MYH15: variants seen among roughly 807,000 people sequenced by gnomAD.
MYH15 encodes myosin heavy chain 15.
A neutral mutation model predicts 240.5 loss-of-function variants in MYH15; 227 were observed. The observed-to-expected ratio is 0.94, with a 90% confidence interval of 0.85 to 1.05. The LOEUF (loss-of-function observed/expected upper bound fraction) is 1.05. Among genes scored for constraint, MYH15 ranks in the 50% least tolerant of loss-of-function variants. MYH15 has a pLI of 0.00. For synonymous variants in MYH15, 785 were observed against 796.7 expected, an observed-to-expected ratio of 0.99 and a Z score of 0.25; for missense variants, 2,217 against 2,247.5, an observed-to-expected ratio of 0.99 and a Z score of 0.27.
At chr3:108,439,409 G>C (rs955555304) in intron 24 of MYH15, among the ~76,000 whole-genome samples, 1 of 152,084 alleles carries the variant, frequency 6.6e-6, no homozygotes, top group Admixed American at 6.5e-5. Flanking sequence ...ATATCTGTGG[G>C]GCAAAATACC....
intron 27 of MYH15, among the ~76,000 whole-genome samples, chr3:108,425,476 TA>T (rs2107557973): frequency 6.6e-6 from 1 of 152,300 alleles, no homozygotes; most frequent in South Asian, 2.1e-4. Flanking sequence ...GTAATCTACT[TA>T]AAAAGTAGAC....
At chr3:108,424,097 A>AGC (rs1273523370) in intron 27 of MYH15, among the ~76,000 whole-genome samples, 3 of 152,200 alleles carry the variant, frequency 2.0e-5, no homozygotes, top group Admixed American at 6.5e-5. Flanking sequence ...AGGGTGAAAA[A>AGC]GCACGGATCT....
intron 11 of MYH15, among the ~76,000 whole-genome samples, chr3:108,476,985 A>C (rs2083227306): frequency 6.6e-6 from 1 of 152,196 alleles, no homozygotes; most frequent in Non-Finnish European, 1.5e-5. Context: ...CACCCAAGAT[A>C]AATGAAAACA....
At chr3:108,503,792 T>A (rs2083455179) in intron 2 of MYH15, among the ~76,000 whole-genome samples, 1 of 152,114 alleles carries the variant, frequency 6.6e-6, no homozygotes, top group Non-Finnish European at 1.5e-5. Context: ...AGCAATACAC[T>A]CCTAGCTATA....
At chr3:108,464,108 A>G (rs1159381536) in intron 15 of MYH15, among the ~76,000 whole-genome samples, 1 of 152,144 alleles carries the variant, frequency 6.6e-6, no homozygotes, top group Non-Finnish European at 1.5e-5. Context: ...TCTTTTATCA[A>G]TTCTCTTTTT....
chr3:108,446,280 A>T (rs749406000), intron 21 of MYH15, among the ~76,000 whole-genome samples: 13 of 152,166 alleles, frequency 8.5e-5, no homozygotes, highest in Non-Finnish European at 1.2e-4. Context: ...TGTGGATCTA[A>T]GATCTAGTGT....
chr3:108,414,167 A>T, intron 30 of MYH15, 65 bp downstream of exon 30: 1 of 1,514,760 alleles, frequency 6.6e-7, no homozygotes. Flanking sequence ...TTGGAGACAG[A>T]GTCATTATTC....
chr3:108,520,540 C>A (rs1378076389), intron 1 of MYH15, among the ~76,000 whole-genome samples: 1 of 152,168 alleles, frequency 6.6e-6, no homozygotes, highest in African/African-American at 2.4e-5. Flanking sequence ...ACCCTTGGAT[C>A]TGGATTTGGC....
At chr3:108,451,161 C>T (rs959882975) in intron 21 of MYH15, among the ~76,000 whole-genome samples, 14 of 152,118 alleles carry the variant, frequency 9.2e-5, no homozygotes, top group African/African-American at 2.7e-4. Context: ...AGGCAGATCA[C>T]GTGAGGCCAA....
chr3:108,421,337 A>G, intron 27 of MYH15, 123 bp from the exon 28 acceptor site: 2 of 1,143,216 alleles, frequency 1.7e-6, no homozygotes, highest in South Asian at 3.0e-5. Flanking sequence ...TAAAGAGCTC[A>G]GCCAGCATTG....
the MYH15 span, among the ~76,000 whole-genome samples, chr3:108,537,795 T>C: frequency 6.6e-6 from 1 of 152,096 alleles, no homozygotes; most frequent in Non-Finnish European, 1.5e-5. Context: ...AGCAGATAAA[T>C]GGGAGACGGG....
rs1435312458 is a variant in MYH15 at position 108,500,117 on chromosome 3, C to T, written c.496+1G>A. The T allele has an allele frequency of 1.2e-6, 2 of 1,612,812 alleles. No homozygotes were observed. Among genetic ancestry groups the T allele is most frequent in the East Asian group, 2.2e-5 (1 of 44,870 alleles). On this transcript the variant is annotated splice_donor_variant, in intron 4 of 40. Transcript: ENST00000693548. LOFTEE classifies it high-confidence loss of function. ...TTTCATTTTGTAGGGCAGCTACTCA[C>T]TGTGAAGCATGTCCTGAAAGGCGTT...
intron 37 of MYH15, 74 bp from the exon 38 acceptor site, chr3:108,389,148 A>G: frequency 7.5e-7 from 1 of 1,330,604 alleles, no homozygotes; most frequent in Non-Finnish European, 1.1e-6. Context: ...TGGCACAATC[A>G]TTTGAAAGAC....
chr3:108,465,928 A>G (rs2083112862), intron 14 of MYH15, among the ~76,000 whole-genome samples: 1 of 142,328 alleles, frequency 7.0e-6, no homozygotes, highest in Non-Finnish European at 1.6e-5. Context: ...CTCTGTCTCA[A>G]AAAACAAAAA....
At chr3:108,490,164 G>A (rs2083335944) in intron 9 of MYH15, among the ~76,000 whole-genome samples, 1 of 152,186 alleles carries the variant, frequency 6.6e-6, no homozygotes, top group Non-Finnish European at 1.5e-5. Context: ...TCCTGTTCCA[G>A]GTTGAGGTGG....
chr3:108,442,119 T>G (rs2082889607), intron 22 of MYH15, among the ~76,000 whole-genome samples: 1 of 152,218 alleles, frequency 6.6e-6, no homozygotes, highest in South Asian at 2.1e-4. Flanking sequence ...TTTACATACA[T>G]TTTCACCTTC....
intron 9 of MYH15, among the ~76,000 whole-genome samples, chr3:108,492,109 G>A (rs2083352721): frequency 6.6e-6 from 1 of 151,542 alleles, no homozygotes; most frequent in South Asian, 2.1e-4. Context: ...AACTCCCATT[G>A]ACCACCACAC....
intron 30 of MYH15, 45 bp from the exon 31 acceptor site, chr3:108,410,977 C>G: frequency 6.8e-7 from 1 of 1,466,322 alleles, no homozygotes; most frequent in South Asian, 1.3e-5. Context: ...CAATAACTCT[C>G]AGAGAGCTCA....
Position 108,501,763 on chromosome 3 carries a change from C to T in MYH15, c.288G>A (p.Glu96=). The T allele has an allele frequency of 1.2e-6, 2 of 1,614,064 alleles. No individual in the cohort carries two copies. The highest frequency in any genetic ancestry group is 1.7e-6 in the Non-Finnish European group (2 of 1,179,966). The part of the protein sequence containing the change: ...EDMAMLTHLN[E]ASVLHTLKRR... ...GCTTCAGGGTATGCAGCACGGATGC[C>T]TCATTGAGGTGAGTCAGCATTGCCA... The change falls in exon 3 of 41, where the codon GAG becomes GAA. Residue 96 remains glutamate (E), a synonymous_variant. Transcript: ENST00000693548.
Sources: gnomAD v4.1 joint callset for allele counts (sites outside exome capture counted in the v4.1 genomes callset) on GRCh38, gnomAD v4.1.1 for gene constraint, MANE v1.5 for transcripts, NCBI Gene and HGNC (gene_info 2026-07-23, HGNC 2026-07-21) for gene names.